The following XKR4 variants were observed in gnomAD, a reference collection of about 807,000 sequenced individuals.
XKR4 encodes the protein XK related 4, also known as XK-related protein 4.
Under a neutral mutation model 53.9 loss-of-function variants are expected in XKR4, and 12 were observed. The observed-to-expected ratio is 0.22, with a 90% CI of 0.14 to 0.36. The LOEUF (loss-of-function observed/expected upper bound fraction) is 0.36. XKR4 is among the 10% of genes least tolerant of loss of function. The pLI, the probability that XKR4 is intolerant of heterozygous loss-of-function variation, is 1.00. For missense variants in XKR4, 799 were observed against 859.5 expected, an observed-to-expected ratio of 0.93 and a Z score of 0.88; for synonymous variants, 354 against 362.4, an observed-to-expected ratio of 0.98 and a Z score of 0.26.
chr8:55,452,346 ACC>A, intron 2 of XKR4: 1 of 626,404 alleles, frequency 1.6e-6, no homozygotes, highest in Non-Finnish European at 2.9e-6. Context: ...CTTCTCCCCC[ACC>A]AGGGGGTCTG....
chr8:55,107,203 A>C (rs1008661543), intron 1 of XKR4, among the ~76,000 whole-genome samples: 1 of 152,168 alleles, frequency 6.6e-6, no homozygotes, highest in Non-Finnish European at 1.5e-5. Flanking sequence ...AAAGAAAATT[A>C]TTAGTATCTG....
intron 2 of XKR4, among the ~76,000 whole-genome samples, chr8:55,447,865 A>C (rs1180114688): frequency 2.6e-5 from 4 of 152,232 alleles, no homozygotes; most frequent in African/African-American, 9.6e-5. Context: ...TCTTTAAGTC[A>C]GTTTTGATGC....
intron 1 of XKR4, among the ~76,000 whole-genome samples, chr8:55,344,346 T>C (rs1257196516): frequency 6.6e-6 from 1 of 152,128 alleles, no homozygotes; most frequent in Non-Finnish European, 1.5e-5. Flanking sequence ...GCTTTCCTTA[T>C]TTATCATAAA....
intron 2 of XKR4, among the ~76,000 whole-genome samples, chr8:55,491,707 G>A (rs887875040): frequency 6.6e-6 from 1 of 152,030 alleles, no homozygotes. Context: ...TGTTGCCCAG[G>A]CTGGCCTGAG....
At chr8:55,451,389 A>C in intron 2 of XKR4, 3 of 785,728 alleles carry the variant, frequency 3.8e-6, no homozygotes, top group South Asian at 1.6e-5. Flanking sequence ...AGAAGCCGCT[A>C]AGTGTGTTGC....
At chr8:55,162,309 G>C (rs9643837) in intron 1 of XKR4, among the ~76,000 whole-genome samples, 4,621 of 152,246 alleles carry the variant, frequency 0.03, 183 homozygotes, top group East Asian at 0.12. Context: ...GCACTGTCCA[G>C]CACTGTGCAG....
chr8:55,236,004 G>T (rs576020058), intron 1 of XKR4, among the ~76,000 whole-genome samples: 1 of 152,300 alleles, frequency 6.6e-6, no homozygotes, highest in Admixed American at 6.5e-5. Context: ...ACCATATTTA[G>T]AACCCCAAAG....
chr8:55,445,287 GA>G (rs1211593843), intron 2 of XKR4, among the ~76,000 whole-genome samples: 1 of 152,086 alleles, frequency 6.6e-6, no homozygotes, highest in Non-Finnish European at 1.5e-5. Flanking sequence ...TCGATCTCCT[GA>G]CCTCGTGATC....
At chr8:55,259,636 G>A (rs1322641593) in intron 1 of XKR4, among the ~76,000 whole-genome samples, 2 of 152,120 alleles carry the variant, frequency 1.3e-5, no homozygotes, top group South Asian at 2.1e-4. Flanking sequence ...CTGGAGCAGA[G>A]GGAAGTGATT....
intron 1 of XKR4, among the ~76,000 whole-genome samples, chr8:55,133,377 A>G (rs1324431080): frequency 2.0e-5 from 3 of 152,266 alleles, no homozygotes; most frequent in South Asian, 2.1e-4. Flanking sequence ...TGCATAAGAC[A>G]TGTGAGTCTA....
At chr8:55,227,371 G>T (rs903432823) in intron 1 of XKR4, among the ~76,000 whole-genome samples, 1 of 152,292 alleles carries the variant, frequency 6.6e-6, no homozygotes, top group South Asian at 2.1e-4. Flanking sequence ...AGGGACCAAG[G>T]CAGGCCCAAG....
intron 2 of XKR4, among the ~76,000 whole-genome samples, chr8:55,377,588 G>A (rs1804169473): frequency 1.3e-5 from 2 of 152,110 alleles, no homozygotes; most frequent in African/African-American, 4.8e-5. Flanking sequence ...GGAAACAGGG[G>A]AGAGAGAAAG....
At chr8:55,448,674 T>G (rs1223777842) in intron 2 of XKR4, among the ~76,000 whole-genome samples, 1 of 152,146 alleles carries the variant, frequency 6.6e-6, no homozygotes, top group African/African-American at 2.4e-5. Context: ...ACTATTTATC[T>G]CTCCCACTAA....
chr8:55,348,642 AG>A, intron 1 of XKR4, among the ~76,000 whole-genome samples: 1 of 94,466 alleles, frequency 1.1e-5, no homozygotes, highest in Non-Finnish European at 2.3e-5. Flanking sequence ...CTGGATGAAT[AG>A]AGATAATGGA....
At chr8:55,130,300 G>A (rs1816536254) in intron 1 of XKR4, among the ~76,000 whole-genome samples, 1 of 152,242 alleles carries the variant, frequency 6.6e-6, no homozygotes, top group African/African-American at 2.4e-5. Context: ...TTTATACAGA[G>A]TGTTCTGCTA....
rs555444889 is a variant in XKR4, at chr8:55,491,928, C to T, written c.1007-31353C>T. Among the ~76,000 whole-genome samples the T allele has an allele frequency of 9.2e-5, 14 of 152,342 alleles. No individual in the cohort carries two copies. The East Asian group carries it at 2.5e-3, about 27-fold the overall frequency. On this transcript the variant is annotated intron_variant, in intron 2 of 2. Transcript: ENST00000327381. ...ACATGGCAGAGCATTCAACAAAAAA[C>T]TCAAGAGGATGCCGATGCAGGTTTC... is the stretch of plus-strand genomic sequence containing the variant.
intron 2 of XKR4, among the ~76,000 whole-genome samples, chr8:55,480,871 A>G (rs1168150122): frequency 6.6e-6 from 1 of 152,078 alleles, no homozygotes; most frequent in Non-Finnish European, 1.5e-5. Context: ...AAGGAGAACT[A>G]CAAACCACTG....
chr8:55,228,970 T>C (rs1817993674), intron 1 of XKR4, among the ~76,000 whole-genome samples: 1 of 152,158 alleles, frequency 6.6e-6, no homozygotes, highest in Non-Finnish European at 1.5e-5. Flanking sequence ...TTCCCTTCCA[T>C]TCAACTGATG....
Position 55,525,772 on chromosome 8 carries a change from A to AT in XKR4, c.*1551dup, listed in dbSNP as rs1372787321. 2.6e-5 allele frequency: 4 copies of AT among 152,588 alleles called. No homozygotes were observed. Among genetic ancestry groups the AT allele is most frequent in the Non-Finnish European group, 4.4e-5 (3 of 68,036 alleles). 9.5% of individuals were successfully genotyped at this position (152,588 alleles called of 1,614,324 possible). A position where few individuals can be genotyped will look rare whatever the true frequency, so the allele number is the denominator to read the frequency against. ...AGGGTATACACATAGGCATCATCACATTTTTTATAGACCTGGAATCGTTTA... is the reference window on the plus strand; with the variant it reads ...AGGGTATACACATAGGCATCATCACATTTTTTTATAGACCTGGAATCGTTTA... On this transcript the variant is annotated 3_prime_UTR_variant, in exon 3 of 3. Transcript: ENST00000327381.
Sources: allele counts gnomAD v4.1 joint callset (sites outside exome capture counted in the v4.1 genomes callset), GRCh38; gene constraint gnomAD v4.1.1; transcripts MANE v1.5; gene names NCBI Gene and HGNC (gene_info 2026-07-23, HGNC 2026-07-21).